ACVR1C: variants seen among roughly 807,000 people sequenced by gnomAD.
ACVR1C encodes activin receptor type-1C.
ACVR1C carries 23 observed loss-of-function variants against 57.9 expected under a neutral mutation model. That is an observed-to-expected ratio of 0.40 (90% CI 0.29 to 0.56). ACVR1C has a LOEUF of 0.56. Among genes scored for constraint, ACVR1C ranks in the 20% least tolerant of loss-of-function variants. The pLI is 0.50. For missense variants in ACVR1C, 480 were observed against 607.9 expected (o/e 0.79, Z 2.21); for synonymous variants, 214 against 215.3 (o/e 0.99, Z 0.05).
intron 4 of ACVR1C, among the ~76,000 whole-genome samples, chr2:157,548,299 A>G (rs553963757): frequency 6.8e-6 from 1 of 148,008 alleles, no homozygotes; most frequent in East Asian, 2.0e-4. Context: ...AAATGGAAGA[A>G]CATTCCATGC....
chr2:157,556,004 A>G (rs1688089796), intron 3 of ACVR1C, 89 bp downstream of exon 3: 1 of 1,408,202 alleles, frequency 7.1e-7, no homozygotes, highest in Non-Finnish European at 9.5e-7. Context: ...GGAATTCATA[A>G]TATTTGGGCC....
In ACVR1C at chr2:157,587,300, A is replaced by T; in HGVS notation, c.191T>A (p.Val64Asp). 4.3e-6 allele frequency: 7 copies of T among 1,613,708 alleles called. No homozygotes were observed. Among genetic ancestry groups the T allele is most frequent in the Non-Finnish European group, 5.9e-6 (7 of 1,179,692 alleles). Reference sequence around the variant, plus strand: ...TTGAGCATTCAGTTCTGGAAGGGAGACACAGGATTTGATCACCTGCTCTTT... The same window carrying T: ...TTGAGCATTCAGTTCTGGAAGGGAGTCACAGGATTTGATCACCTGCTCTTT... ...NGKEQVIKSC[V>D]SLPELNAQVF... Residue 64 changes from valine to aspartate, a missense_variant, in exon 2 of 9, where the codon GTC becomes GAC. Transcript: ENST00000243349.
chr2:157,613,297 G>A (rs771400822), intron 1 of ACVR1C, among the ~76,000 whole-genome samples: 1 of 152,146 alleles, frequency 6.6e-6, no homozygotes, highest in Non-Finnish European at 1.5e-5. Context: ...GGGAGGGTGA[G>A]TGTCTAATGT....
In ACVR1C at chr2:157,528,933, T is replaced by A. The variant is rs1687296340; in HGVS notation, c.*4985A>T. On this transcript the variant is annotated 3_prime_UTR_variant, in exon 9 of 9. Transcript: ENST00000243349. ...GTTAAGAAGTTCATTGTGTAGAAGT[T>A]TGGACAGGTTAAACGACAACTAAAG... 1 of 152,122 alleles carries A rather than the reference T, an allele frequency of 6.6e-6. No individual in the cohort carries two copies. The highest frequency in any genetic ancestry group is 6.6e-5 in the Admixed American group (1 of 15,262). 9.4% of individuals were successfully genotyped at this position (152,122 alleles called of 1,614,324 possible).
intron 2 of ACVR1C, among the ~76,000 whole-genome samples, chr2:157,568,043 G>A (rs1688439983): frequency 6.6e-6 from 1 of 150,482 alleles, no homozygotes; most frequent in African/African-American, 2.4e-5. Flanking sequence ...CAAGCCAGAA[G>A]AGAGTGGGGG....
rs1038268961 is a variant in ACVR1C, at chr2:157,533,027, G to A, written c.*891C>T. ...ATGAGAAAAAATGTCAACAGATATG[G>A]TTCTGAGATTTTGTGCGGGTCCATT... is the stretch of plus-strand genomic sequence containing the variant. On this transcript the variant is annotated 3_prime_UTR_variant, in exon 9 of 9. Transcript: ENST00000243349. 8 of 152,138 alleles carry A rather than the reference G, an allele frequency of 5.3e-5. No individual in the cohort carries two copies. Among genetic ancestry groups the A allele is most frequent in the African/African-American group, 1.9e-4 (8 of 41,434 alleles). 9.4% of individuals were successfully genotyped at this position (152,138 alleles called of 1,614,324 possible).
At chr2:157,556,675 T>C (rs1453542744) in intron 2 of ACVR1C, among the ~76,000 whole-genome samples, 2 of 145,184 alleles carry the variant, frequency 1.4e-5, no homozygotes, top group African/African-American at 2.6e-5. Context: ...TTTTTTTTTT[T>C]TTTTTTGAGA....
At chr2:157,549,965 T>C (rs1687874409) in intron 4 of ACVR1C, among the ~76,000 whole-genome samples, 197 bp downstream of exon 4, 1 of 134,928 alleles carries the variant, frequency 7.4e-6, no homozygotes, top group Non-Finnish European at 1.5e-5. Context: ...ATTGAGCCGC[T>C]GCACTCCAGC....
At chr2:157,627,109 T>C (rs1429457836) in intron 1 of ACVR1C, among the ~76,000 whole-genome samples, 1 of 152,192 alleles carries the variant, frequency 6.6e-6, no homozygotes, top group African/African-American at 2.4e-5. Context: ...TTTGTAGAAA[T>C]GTGTGCAGCC....
chr2:157,606,715 T>C (rs994112850), intron 1 of ACVR1C, among the ~76,000 whole-genome samples: 2 of 151,840 alleles, frequency 1.3e-5, no homozygotes, highest in Non-Finnish European at 3.0e-5. Context: ...ATTAGTCCCC[T>C]GTCAAATAAG....
At chr2:157,543,221 C>T (rs893826308) in intron 5 of ACVR1C, among the ~76,000 whole-genome samples, 3 of 152,218 alleles carry the variant, frequency 2.0e-5, no homozygotes, top group Non-Finnish European at 4.4e-5. Context: ...CTGAAAACTT[C>T]TATTACCCCA....
rs1203215103 is a variant in ACVR1C at position 157,527,213 on chromosome 2, C to G, written c.*6705G>C. 1 of 152,156 alleles carries G rather than the reference C, an allele frequency of 6.6e-6. No individual in the cohort carries two copies. Among genetic ancestry groups the G allele is most frequent in the African/African-American group, 2.4e-5 (1 of 41,454 alleles). The allele number at this position is 152,156 out of a possible 1,614,324, so 9.4% of individuals were successfully genotyped here. Reference sequence around the variant, plus strand: ...TTAAATTACAACTACTAAAATCCATCTACATATTTTTGATACAGTTTATTG... The same window carrying G: ...TTAAATTACAACTACTAAAATCCATGTACATATTTTTGATACAGTTTATTG... On this transcript the variant is annotated 3_prime_UTR_variant, in exon 9 of 9. Transcript: ENST00000243349.
At chr2:157,585,673 C>T (rs1688903149) in intron 2 of ACVR1C, among the ~76,000 whole-genome samples, 1 of 152,036 alleles carries the variant, frequency 6.6e-6, no homozygotes, top group Admixed American at 6.6e-5. Context: ...TGGAGAAGAC[C>T]ATTAAACATA....
Position 157,530,188 on chromosome 2 carries a change from A to G in ACVR1C, c.*3730T>C, listed in dbSNP as rs1385916311. The G allele has an allele frequency of 6.6e-6, 1 of 152,152 alleles. No homozygotes were observed. Among genetic ancestry groups the G allele is most frequent in the Non-Finnish European group, 1.5e-5 (1 of 67,990 alleles). 9.4% of individuals were successfully genotyped at this position (152,152 alleles called of 1,614,324 possible). On this transcript the variant is annotated 3_prime_UTR_variant, in exon 9 of 9. Coordinates refer to ENST00000243349, the MANE Select transcript of ACVR1C (RefSeq NM_145259.3). Reference sequence around the variant, plus strand: ...ATGATTATTGAAGACATCAACTGCCAGCTTTTATTCATTTGGTACTGCTAC... The same window carrying G: ...ATGATTATTGAAGACATCAACTGCCGGCTTTTATTCATTTGGTACTGCTAC...
intron 1 of ACVR1C, among the ~76,000 whole-genome samples, chr2:157,621,461 G>A (rs1376138182): frequency 1.3e-5 from 2 of 152,126 alleles, no homozygotes; most frequent in Non-Finnish European, 2.9e-5. Flanking sequence ...CCCTAAGTAG[G>A]AGGAGTAGTG....
rs192996336 is a variant in ACVR1C, at chr2:157,549,491, T to C, written c.775+671A>G. Among the ~76,000 whole-genome samples the C allele has an allele frequency of 4.1e-3, 625 of 152,200 alleles. 3 individuals are homozygous for C. Among genetic ancestry groups the C allele is most frequent in the Middle Eastern group, 0.024 (7 of 294 alleles). ...CGTGGCAGAGTTCTCCAGGATTCTG[T>C]TCTACTTGAGGCTTCTGTTCTGATT... On this transcript the variant is annotated intron_variant, in intron 4 of 8. Transcript: ENST00000243349.
At position 157,550,360 on chromosome 2, in the gene ACVR1C, T is replaced by C. The variant is rs780159722; in HGVS notation, c.577A>G (p.Arg193Gly). 6.2e-7 allele frequency: 1 copy of C among 1,614,194 alleles called. No homozygotes were observed. ...ACTATTTCCTGAAGCACAATCGTCC[T>C]TGCAATTGTCCTTTGAACCAACAGA... ...LPLLVQRTIA[R>G]TIVLQEIVGK... Residue 193 changes from arginine (R) to glycine (G), a missense_variant, in exon 4 of 9, where the codon AGG (arginine) becomes GGG (glycine). Transcript: ENST00000243349.
intron 1 of ACVR1C, among the ~76,000 whole-genome samples, chr2:157,618,702 A>G (rs1682704384): frequency 6.6e-6 from 1 of 151,840 alleles, no homozygotes; most frequent in South Asian, 2.1e-4. Flanking sequence ...ACCATAAGAA[A>G]GGTGGGATAG....
intron 1 of ACVR1C, among the ~76,000 whole-genome samples, chr2:157,592,509 A>C (rs536009934): frequency 6.6e-6 from 1 of 152,122 alleles, no homozygotes; most frequent in African/African-American, 2.4e-5. Context: ...AATGGCTTCA[A>C]ACATCTGCTA....
Sources: allele counts gnomAD v4.1 joint callset (sites outside exome capture counted in the v4.1 genomes callset), GRCh38; gene constraint gnomAD v4.1.1; transcripts MANE v1.5; gene names NCBI Gene and HGNC (gene_info 2026-07-23, HGNC 2026-07-21).